The following RPIA variants were observed in gnomAD, a reference collection of about 807,000 sequenced individuals.
RPIA encodes the protein ribose-5-phosphate isomerase.
Under a neutral mutation model 37.8 loss-of-function variants are expected in RPIA, and 29 were observed. The observed-to-expected ratio is 0.77, with a 90% CI of 0.57 to 1.05. The LOEUF (loss-of-function observed/expected upper bound fraction) is 1.05. RPIA is among the 50% of genes least tolerant of loss of function. The pLI, the probability that RPIA is intolerant of heterozygous loss-of-function variation, is 0.00. For synonymous variants in RPIA, 167 were observed against 157.0 expected (o/e 1.06, Z -0.48); for missense variants, 385 against 413.6 (o/e 0.93, Z 0.60).
intron 3 of RPIA, among the ~76,000 whole-genome samples, chr2:88,722,995 T>C (rs1184885596): frequency 1.3e-5 from 2 of 152,040 alleles, no homozygotes; most frequent in African/African-American, 4.8e-5. Context: ...TGCATAGTTT[T>C]TTGTTTGTTT....
chr2:88,697,724 T>G (rs1181498912), intron 1 of RPIA, among the ~76,000 whole-genome samples: 1 of 152,258 alleles, frequency 6.6e-6, no homozygotes, highest in Non-Finnish European at 1.5e-5. Flanking sequence ...TGAAGACTAT[T>G]TTTCATGTTC....
chr2:88,735,177 G>A (rs923572885), intron 5 of RPIA, among the ~76,000 whole-genome samples: 9 of 152,286 alleles, frequency 5.9e-5, no homozygotes, highest in Admixed American at 4.6e-4. Context: ...ATTTTCTTAC[G>A]TGTTACTTAA....
intron 1 of RPIA, 152 bp downstream of exon 1, chr2:88,692,135 A>G: frequency 1.1e-6 from 1 of 944,150 alleles, no homozygotes; most frequent in Non-Finnish European, 1.5e-6. Context: ...CCGAGTTTAG[A>G]CCCCTCTTCC....
At chr2:88,747,361 A>G (rs1471640428) in intron 8 of RPIA, among the ~76,000 whole-genome samples, 1 of 152,170 alleles carries the variant, frequency 6.6e-6, no homozygotes, top group Middle Eastern at 3.2e-3. Context: ...CCTACTGAGA[A>G]AGCAAGCAGG....
chr2:88,707,380 G>A lies in RPIA; in HGVS notation c.402+7316G>A, dbSNP rs1672910949. Reference sequence around the variant, plus strand: ...AAGTCCTGCCTTTATTGGACCTAAGGTTCTTTTTGCTTTAGTTGGCTAGTG... The same window carrying A: ...AAGTCCTGCCTTTATTGGACCTAAGATTCTTTTTGCTTTAGTTGGCTAGTG... On this transcript the variant is annotated intron_variant, in intron 3 of 8. Coordinates refer to ENST00000283646, the MANE Select transcript of RPIA (RefSeq NM_144563.3). Among the ~76,000 whole-genome samples the A allele has an allele frequency of 2.6e-5, 4 of 152,110 alleles. No homozygotes were observed. The South Asian group carries it at 8.3e-4, about 32-fold the overall frequency.
chr2:88,694,979 CAAAA>C (rs61633535), intron 1 of RPIA, among the ~76,000 whole-genome samples: 9,275 of 119,156 alleles, frequency 0.078, 550 homozygotes, highest in African/African-American at 0.17. Flanking sequence ...AATAAAGTCT[CAAAA>C]AAAAAAAAAA....
rs1260822880 is a variant in RPIA at position 88,750,564 on chromosome 2, T to G, written c.*486T>G. 4.8e-6 allele frequency: 2 copies of G among 416,522 alleles called. No individual in the cohort carries two copies. Among genetic ancestry groups the G allele is most frequent in the Non-Finnish European group, 8.5e-6 (2 of 236,212 alleles). The allele number at this position is 416,522 out of a possible 1,614,324, so 25.8% of individuals were successfully genotyped here. Reference sequence around the variant, plus strand: ...CCTCTGATTTGTTTTTAGTTAGTTTTTATTGTGAGCACACATAGTACCTAG... The same window carrying G: ...CCTCTGATTTGTTTTTAGTTAGTTTGTATTGTGAGCACACATAGTACCTAG... On this transcript the variant is annotated 3_prime_UTR_variant, in exon 9 of 9. Coordinates refer to ENST00000283646, the MANE Select transcript of RPIA (RefSeq NM_144563.3).
At chr2:88,745,186 C>T in intron 8 of RPIA, among the ~76,000 whole-genome samples, 1 of 152,168 alleles carries the variant, frequency 6.6e-6, no homozygotes, top group Non-Finnish European at 1.5e-5. Context: ...TCTCAAACTC[C>T]TGACCTCAGG....
chr2:88,727,090 T>C (rs1457434724), intron 3 of RPIA, among the ~76,000 whole-genome samples: 2 of 152,026 alleles, frequency 1.3e-5, no homozygotes, highest in African/African-American at 4.8e-5. Context: ...CGTGCGTGTG[T>C]GTGTGTGCGC....
intron 8 of RPIA, among the ~76,000 whole-genome samples, chr2:88,749,412 ACTT>A (rs1398391834): frequency 2.0e-5 from 3 of 152,182 alleles, no homozygotes; most frequent in Non-Finnish European, 4.4e-5. Flanking sequence ...TTTGTGAGGT[ACTT>A]CTTCAAGTCT....
intron 3 of RPIA, among the ~76,000 whole-genome samples, chr2:88,713,632 A>C (rs1037749185): frequency 5.9e-5 from 9 of 152,184 alleles, no homozygotes; most frequent in African/African-American, 1.9e-4. Context: ...ACAGCTCATC[A>C]TGCGTATTCA....
At chr2:88,721,214 AGGG>A (rs1462145046) in intron 3 of RPIA, among the ~76,000 whole-genome samples, 1 of 151,906 alleles carries the variant, frequency 6.6e-6, no homozygotes, top group African/African-American at 2.4e-5. Context: ...GGGGCCTGTC[AGGG>A]GGTGAGGGGC....
chr2:88,721,691 C>T (rs1303414831), intron 3 of RPIA, among the ~76,000 whole-genome samples: 3 of 147,658 alleles, frequency 2.0e-5, no homozygotes, highest in East Asian at 2.0e-4. Context: ...GCATATACAC[C>T]ATGGAATGCA....
At chr2:88,698,612 A>T in intron 2 of RPIA, 68 bp downstream of exon 2, 1 of 1,433,522 alleles carries the variant, frequency 7.0e-7, no homozygotes, top group South Asian at 1.1e-5. Flanking sequence ...GAGGAGAGGG[A>T]GGAAGTGGCA....
At chr2:88,715,829 T>C (rs1673028105) in intron 3 of RPIA, among the ~76,000 whole-genome samples, 1 of 152,162 alleles carries the variant, frequency 6.6e-6, no homozygotes, top group African/African-American at 2.4e-5. Context: ...TTTATTCCTT[T>C]AAGAAAAAAT....
chr2:88,726,830 C>T (rs1673202809), intron 3 of RPIA, among the ~76,000 whole-genome samples: 1 of 152,166 alleles, frequency 6.6e-6, no homozygotes, highest in Admixed American at 6.5e-5. Flanking sequence ...CCACCCTCCA[C>T]CTCCTGGTCT....
At chr2:88,721,525 A>G (rs557642061) in intron 3 of RPIA, among the ~76,000 whole-genome samples, 13 of 143,684 alleles carry the variant, frequency 9.0e-5, no homozygotes, top group African/African-American at 3.3e-4. Flanking sequence ...CATAATAGAT[A>G]TATTTTAGAT....
chr2:88,717,550 A>C (rs1301766787), intron 3 of RPIA, among the ~76,000 whole-genome samples: 1 of 152,172 alleles, frequency 6.6e-6, no homozygotes, highest in African/African-American at 2.4e-5. Flanking sequence ...AGGCAATCAG[A>C]TATGCATTTA....
intron 3 of RPIA, among the ~76,000 whole-genome samples, chr2:88,701,793 G>T (rs1469402808): frequency 6.6e-6 from 1 of 152,160 alleles, no homozygotes; most frequent in African/African-American, 2.4e-5. Context: ...AGACAATAGA[G>T]GACCACCCTT....
Sources: gnomAD v4.1 joint callset for allele counts (sites outside exome capture counted in the v4.1 genomes callset) on GRCh38, gnomAD v4.1.1 for gene constraint, MANE v1.5 for transcripts, NCBI Gene and HGNC (gene_info 2026-07-23, HGNC 2026-07-21) for gene names.